The following PLB1 variants were observed in gnomAD, a reference collection of about 807,000 sequenced individuals.
PLB1 encodes the protein phospholipase B1, also known as phospholipase B1, membrane-associated.
PLB1 carries 242 observed loss-of-function variants against 227.4 expected under a neutral mutation model. The observed-to-expected ratio is 1.06, with a 90% CI of 0.96 to 1.18. The LOEUF (loss-of-function observed/expected upper bound fraction) is 1.18, where lower values mean the gene tolerates loss of function less well. Ranked by LOEUF, PLB1 falls within the 50% of genes most tolerant of loss-of-function variation. The probability of loss-of-function intolerance (pLI) is 0.00; values close to 1 mark genes in which losing one functional copy is unlikely to be tolerated. For missense variants in PLB1, 1,858 were observed against 1,816.3 expected (o/e 1.02, Z -0.42); for synonymous variants, 757 against 682.2 (o/e 1.11, Z -1.71).
At chr2:28,535,322 A>G (rs985765687) in intron 9 of PLB1, among the ~76,000 whole-genome samples, 4 of 152,118 alleles carry the variant, frequency 2.6e-5, no homozygotes, top group East Asian at 1.9e-4. Flanking sequence ...GATTTTTCCT[A>G]TTGCACAAAA....
chr2:28,581,509 AT>A lies in PLB1; in HGVS notation c.1567-558del, dbSNP rs1224880249. ...AAAAAATAAATAAATAAATAAATAA[AT>A]AAATAAATAAATAAATAAATAAATA... is the stretch of plus-strand genomic sequence containing the variant. On this transcript the variant is annotated intron_variant, in intron 23 of 57. Coordinates refer to ENST00000327757, the MANE Select transcript of PLB1 (RefSeq NM_153021.5). 3.8e-3 allele frequency among the ~76,000 whole-genome samples: 548 copies of A among 143,484 alleles called. 7 individuals carry two copies. Among genetic ancestry groups the A allele is most frequent in the Non-Finnish European group, 5.9e-3 (395 of 66,420 alleles). 94.1% of individuals were successfully genotyped at this position (143,484 alleles called of 152,430 possible).
chr2:28,539,755 CAG>C (rs566029597), intron 11 of PLB1, among the ~76,000 whole-genome samples: 111 of 151,698 alleles, frequency 7.3e-4, no homozygotes, highest in African/African-American at 2.7e-3. Context: ...GGATGCAAGA[CAG>C]AGAAGGTACA....
intron 10 of PLB1, 145 bp from the exon 11 acceptor site, chr2:28,538,954 C>G: frequency 1.5e-6 from 1 of 673,672 alleles, no homozygotes. Context: ...GACCAAACAT[C>G]TCCCAAAGGA....
intron 4 of PLB1, 26 bp from the exon 5 acceptor site, chr2:28,525,241 G>T (rs553772813): frequency 6.2e-7 from 1 of 1,611,296 alleles, no homozygotes; most frequent in Non-Finnish European, 8.5e-7. Flanking sequence ...CCCTGGCTGG[G>T]TGTTAACATT....
At chr2:28,632,682 G>C (rs559308419) in intron 55 of PLB1, among the ~76,000 whole-genome samples, 6 of 152,184 alleles carry the variant, frequency 3.9e-5, no homozygotes, top group Admixed American at 3.9e-4. Flanking sequence ...CAGGTACTCG[G>C]GAGGCAGAAG....
At chr2:28,612,391 G>C (rs1212291743) in intron 43 of PLB1, among the ~76,000 whole-genome samples, 1 of 152,112 alleles carries the variant, frequency 6.6e-6, no homozygotes, top group African/African-American at 2.4e-5. Context: ...CAGGCAAGAG[G>C]CTTGTCCAGT....
intron 4 of PLB1, among the ~76,000 whole-genome samples, chr2:28,522,346 CTT>C (rs1669632388): frequency 6.6e-6 from 1 of 152,068 alleles, no homozygotes; most frequent in South Asian, 2.1e-4. Context: ...CGCATTCTCT[CTT>C]ATCGATGCTG....
At chr2:28,593,994 T>C (rs377202218) in intron 33 of PLB1, 146 of 744,606 alleles carry the variant, frequency 2.0e-4, no homozygotes, top group Non-Finnish European at 2.2e-4. Context: ...AGGGTTCTTA[T>C]CAGACTCCTG....
chr2:28,579,616 ATTCAT>A lies in PLB1; in HGVS notation c.1486-6_1486-2del. 1 of 1,604,834 alleles carries A rather than the reference ATTCAT, an allele frequency of 6.2e-7. No individual in the cohort carries two copies. The highest frequency in any genetic ancestry group is 8.5e-7 in the Non-Finnish European group (1 of 1,171,844). On this transcript the variant is annotated splice_region_variant and splice_polypyrimidine_tract_variant and intron_variant, in intron 22 of 57. Transcript: ENST00000327757. The stretch of plus-strand genomic sequence containing the variant: ...ACAAGGTGCTTACTTCTGTGTTTCT[ATTCAT>A]TTCAGAGGATACACTTTCAGGAAGA...
At chr2:28,553,109 A>T in intron 17 of PLB1, 118 bp downstream of exon 17, 3 of 800,600 alleles carry the variant, frequency 3.7e-6, no homozygotes, top group Non-Finnish European at 6.4e-6. Flanking sequence ...AACAGAAATA[A>T]CTCTGTATGT....
intron 14 of PLB1, among the ~76,000 whole-genome samples, chr2:28,546,028 A>G (rs533872054): frequency 1.3e-5 from 2 of 152,200 alleles, no homozygotes; most frequent in East Asian, 3.9e-4. Context: ...AAGCCCTAGC[A>G]TAGGTGAGCA....
chr2:28,614,194 G>A, intron 44 of PLB1, 98 bp downstream of exon 44: 1 of 1,147,730 alleles, frequency 8.7e-7, no homozygotes. Context: ...CACTGAAGCA[G>A]AAATGTACTT....
intron 20 of PLB1, 42 bp downstream of exon 20, chr2:28,566,881 C>T (rs1219400359): frequency 2.5e-6 from 4 of 1,609,272 alleles, no homozygotes; most frequent in Non-Finnish European, 3.4e-6. Context: ...TTTGGGGCGG[C>T]CCCTGCACGC....
At chr2:28,509,662 G>A (rs1004030793) in intron 1 of PLB1, among the ~76,000 whole-genome samples, 4 of 152,110 alleles carry the variant, frequency 2.6e-5, no homozygotes, top group African/African-American at 7.2e-5. Context: ...ATAGAAAAGT[G>A]CTTGTTTTTT....
chr2:28,574,632 A>G (rs1678623382), intron 21 of PLB1, among the ~76,000 whole-genome samples: 1 of 150,094 alleles, frequency 6.7e-6, no homozygotes, highest in East Asian at 2.0e-4. Flanking sequence ...CCTGACCTCA[A>G]GTAATCTGCC....
intron 56 of PLB1, among the ~76,000 whole-genome samples, chr2:28,638,104 A>G (rs1689578666): frequency 6.6e-6 from 1 of 152,048 alleles, no homozygotes. Flanking sequence ...TCAGCAGTGA[A>G]AAGATGACTG....
At chr2:28,549,205 C>A (rs1488825224) in intron 15 of PLB1, among the ~76,000 whole-genome samples, 2 of 152,150 alleles carry the variant, frequency 1.3e-5, no homozygotes, top group Admixed American at 1.3e-4. Context: ...GCCTCTGGGT[C>A]CTGGCCCTCT....
At chr2:28,608,643 G>A (rs1558906881) in intron 43 of PLB1, among the ~76,000 whole-genome samples, 1 of 152,160 alleles carries the variant, frequency 6.6e-6, no homozygotes, top group Non-Finnish European at 1.5e-5. Flanking sequence ...GCCTTAATGG[G>A]CTCTCTGCCC....
At chr2:28,547,578 C>T (rs1201144591) in intron 14 of PLB1, among the ~76,000 whole-genome samples, 1 of 152,180 alleles carries the variant, frequency 6.6e-6, no homozygotes, top group African/African-American at 2.4e-5. Context: ...TGAAAATCCT[C>T]ATGGAGGTTG....
Sources: gnomAD v4.1 joint callset for allele counts (sites outside exome capture counted in the v4.1 genomes callset) on GRCh38, gnomAD v4.1.1 for gene constraint, MANE v1.5 for transcripts, NCBI Gene and HGNC (gene_info 2026-07-23, HGNC 2026-07-21) for gene names.